Variants in NBEA observed in about 807,000 individuals in gnomAD.
NBEA encodes the protein neurobeachin, also known as lysosomal-trafficking regulator 2.
In NBEA, 44 loss-of-function variants were observed where a neutral mutation model predicts 343.4. The observed-to-expected ratio is 0.13, with a 90% CI of 0.10 to 0.16. NBEA has a LOEUF of 0.16. Among genes scored for constraint, NBEA ranks in the 10% least tolerant of loss-of-function variants. The pLI, the probability that NBEA is intolerant of heterozygous loss-of-function variation, is 1.00. For synonymous variants in NBEA, 1,175 were observed against 1,238.7 expected (o/e 0.95, Z 1.08); for missense variants, 2,555 against 3,631.3 (o/e 0.70, Z 7.62).
At chr13:35,187,535 A>G (rs1463234566) in intron 30 of NBEA, among the ~76,000 whole-genome samples, 1 of 151,312 alleles carries the variant, frequency 6.6e-6, no homozygotes, top group Admixed American at 6.6e-5. Context: ...AAAATTCTCA[A>G]AAGGCTCCCT....
At position 35,671,104 on chromosome 13, in the gene NBEA, C is replaced by A; in HGVS notation, c.*113C>A. ...TACATCGACCTCCGTTTGTACATTC[C>A]ATCACACCCAGCAATAGCTGTACAT... is the stretch of plus-strand genomic sequence containing the variant. On this transcript the variant is annotated 3_prime_UTR_variant, in exon 59 of 59. Coordinates refer to ENST00000379939, the MANE Select transcript of NBEA (RefSeq NM_001385012.1). 2.9e-6 allele frequency: 2 copies of A among 686,178 alleles called. No individual in the cohort carries two copies. The highest frequency in any genetic ancestry group is 2.4e-4 in the Middle Eastern group (1 of 4,124). The allele number at this position is 686,178 out of a possible 1,614,324, so 42.5% of individuals were successfully genotyped here. A position where few individuals can be genotyped will look rare whatever the true frequency, so the allele number is the denominator to read the frequency against.
At chr13:35,542,389 C>T (rs1478848587) in intron 41 of NBEA, among the ~76,000 whole-genome samples, 1 of 152,106 alleles carries the variant, frequency 6.6e-6, no homozygotes, top group African/African-American at 2.4e-5. Flanking sequence ...GAATTATTTT[C>T]ATCAGGATTA....
At chr13:35,100,600 CAG>C (rs2065597047) in intron 11 of NBEA, among the ~76,000 whole-genome samples, 1 of 151,884 alleles carries the variant, frequency 6.6e-6, no homozygotes, top group Non-Finnish European at 1.5e-5. Flanking sequence ...GAGAATGTAT[CAG>C]AAAATTCTAA....
chr13:35,034,268 A>G lies in NBEA; in HGVS notation c.295-6665A>G, dbSNP rs58534604. Among the ~76,000 whole-genome samples the G allele has an allele frequency of 6.4e-3, 971 of 151,768 alleles. 11 individuals are homozygous for G. Among genetic ancestry groups the G allele is most frequent in the African/African-American group, 0.022 (931 of 41,450 alleles). ...TGCTTCTTTAACATCAGTTGAAATG[A>G]TCTTGTGGTTTTTCTTCATTCTGCT... On this transcript the variant is annotated intron_variant, in intron 1 of 58. Coordinates refer to ENST00000379939, the MANE Select transcript of NBEA (RefSeq NM_001385012.1).
intron 47 of NBEA, 54 bp from the exon 48 acceptor site, chr13:35,606,372 A>T: frequency 9.5e-7 from 1 of 1,054,882 alleles, no homozygotes. Flanking sequence ...TAATAGTTTT[A>T]TTCAACTGAT....
intron 35 of NBEA, among the ~76,000 whole-genome samples, chr13:35,304,085 C>T (rs886112615): frequency 6.6e-6 from 1 of 152,134 alleles, no homozygotes. Context: ...GAATGTGACA[C>T]AGTCCCACCA....
chr13:35,405,720 C>G (rs1333883240), intron 38 of NBEA, among the ~76,000 whole-genome samples: 2 of 152,006 alleles, frequency 1.3e-5, no homozygotes, highest in Admixed American at 6.6e-5. Flanking sequence ...GGATTTCTAA[C>G]AGTAATCAAA....
intron 39 of NBEA, among the ~76,000 whole-genome samples, chr13:35,445,796 A>ATG (rs2045985250): frequency 4.8e-5 from 4 of 83,312 alleles, no homozygotes; most frequent in Admixed American, 1.0e-4. Flanking sequence ...ATATATATAT[A>ATG]TATATATATA....
At chr13:35,523,151 T>C (rs531979399) in intron 41 of NBEA, among the ~76,000 whole-genome samples, 1 of 152,282 alleles carries the variant, frequency 6.6e-6, no homozygotes, top group African/African-American at 2.4e-5. Context: ...CCTTTCTGAG[T>C]ACCCATTATA....
At chr13:35,229,807 G>T (rs950663157) in intron 33 of NBEA, among the ~76,000 whole-genome samples, 4 of 152,190 alleles carry the variant, frequency 2.6e-5, no homozygotes, top group Non-Finnish European at 4.4e-5. Context: ...TTTAAATTGT[G>T]TAACAATGAA....
In NBEA at chr13:35,665,114, A is replaced by G; in HGVS notation, c.8392A>G (p.Thr2798Ala). 1 of 1,581,846 alleles carries G rather than the reference A, an allele frequency of 6.3e-7. No individual in the cohort carries two copies. The highest frequency in any genetic ancestry group is 8.6e-7 in the Non-Finnish European group (1 of 1,161,546). The change falls in exon 56 of 59, where the codon ACA becomes GCA. Residue 2798 changes from threonine to alanine, a missense_variant. Thr to Ala is a moderately conservative substitution (Grantham distance 58, BLOSUM62 0). This residue lies in a region of NBEA where 186 missense variants were observed against 328.9 expected (regional missense o/e 0.57). Transcript: ENST00000379939. Reference protein sequence around the residue: ...SDYPAPRAVLTGHDHEVVCVS... With the variant: ...SDYPAPRAVLAGHDHEVVCVS... ...CTATCCGGCACCAAGAGCCGTCCTCACAGGCCATGACCATGAAGTTGTCTG... is the reference window on the plus strand; with the variant it reads ...CTATCCGGCACCAAGAGCCGTCCTCGCAGGCCATGACCATGAAGTTGTCTG...
chr13:35,476,324 C>CTGCTGCTGA, intron 41 of NBEA: 1 of 1,161,046 alleles, frequency 8.6e-7, no homozygotes, highest in South Asian at 1.4e-5. Flanking sequence ...GCTGCTGCTG[C>CTGCTGCTGA]TGCTGCTGCT....
intron 1 of NBEA, among the ~76,000 whole-genome samples, chr13:34,979,421 G>T (rs2060283652): frequency 6.6e-6 from 1 of 152,062 alleles, no homozygotes; most frequent in Admixed American, 6.6e-5. Flanking sequence ...TTGGGAGGCT[G>T]AAGCAGGAGA....
rs2059065404 is a variant in NBEA, at chr13:34,942,684, G to A, written c.-137G>A. 2 of 561,828 alleles carry A rather than the reference G, an allele frequency of 3.6e-6. No individual in the cohort carries two copies. The highest frequency in any genetic ancestry group is 4.6e-5 in the Admixed American group (1 of 21,846). 34.8% of individuals were successfully genotyped at this position (561,828 alleles called of 1,614,324 possible). ...GCGGGCCGGGCTGAGGCGCAGGCGG[G>A]GAGCGGGCCCGGCGCCGCGGCGCTG... On this transcript the variant is annotated 5_prime_UTR_variant, in exon 1 of 59. Transcript: ENST00000379939.
chr13:35,156,055 TC>T, intron 19 of NBEA, 27 bp from the exon 20 acceptor site: 1 of 1,558,756 alleles, frequency 6.4e-7, no homozygotes, highest in Non-Finnish European at 8.6e-7. Flanking sequence ...TGGTTACAAA[TC>T]TACAAGTTTT....
chr13:35,139,746 T>TTTTTG (rs2067971019), intron 17 of NBEA, among the ~76,000 whole-genome samples: 1 of 118,688 alleles, frequency 8.4e-6, no homozygotes, highest in Non-Finnish European at 1.8e-5. Context: ...TGGATGGCGT[T>TTTTTG]TTTTTTTTTT....
At chr13:35,197,031 G>A (rs2072663109) in intron 31 of NBEA, among the ~76,000 whole-genome samples, 1 of 152,042 alleles carries the variant, frequency 6.6e-6, no homozygotes. Flanking sequence ...ATAGTTCACA[G>A]AAGCAGAATA....
chr13:35,517,907 T>G (rs1269790752), intron 41 of NBEA, among the ~76,000 whole-genome samples: 1 of 152,210 alleles, frequency 6.6e-6, no homozygotes, highest in Non-Finnish European at 1.5e-5. Flanking sequence ...TTAAATAAAA[T>G]TATCTGACAG....
chr13:35,409,273 G>T (rs1276804917), intron 38 of NBEA, among the ~76,000 whole-genome samples: 5 of 152,074 alleles, frequency 3.3e-5, no homozygotes, highest in Non-Finnish European at 7.4e-5. Flanking sequence ...GTTCTCACTT[G>T]TAAATGGAAG....
Sources: gnomAD v4.1 joint callset for allele counts (sites outside exome capture counted in the v4.1 genomes callset) on GRCh38, gnomAD v4.1.1 for gene constraint, gnomAD v4.1.1 regional missense constraint, MANE v1.5 for transcripts, NCBI Gene and HGNC (gene_info 2026-07-23, HGNC 2026-07-21) for gene names.